Variants in TECRL observed in about 807,000 individuals in gnomAD.
TECRL encodes trans-2,3-enoyl-CoA reductase like, also known as trans-2,3-enoyl-CoA reductase-like.
TECRL carries 63 observed loss-of-function variants against 52.8 expected under a neutral mutation model. The ratio of observed to expected loss-of-function variants is 1.19; its 90% CI spans 0.97 to 1.47. TECRL has a LOEUF of 1.47. Among genes scored for constraint, TECRL ranks in the 40% most tolerant of loss-of-function variants. The probability of loss-of-function intolerance (pLI) is 0.00; values close to 1 mark genes in which losing one functional copy is unlikely to be tolerated. For missense variants in TECRL, 482 were observed against 429.6 expected (o/e 1.12, Z -1.08); for synonymous variants, 164 against 141.9 (o/e 1.16, Z -1.10).
At chr4:64,365,836 G>A (rs557745390) in intron 2 of TECRL, among the ~76,000 whole-genome samples, 1 of 151,936 alleles carries the variant, frequency 6.6e-6, no homozygotes, top group Non-Finnish European at 1.5e-5. Flanking sequence ...TGTTATTCAT[G>A]TCAAACTACC....
intron 8 of TECRL, among the ~76,000 whole-genome samples, chr4:64,291,061 T>C (rs1466604957): frequency 6.6e-6 from 1 of 152,164 alleles, no homozygotes; most frequent in Non-Finnish European, 1.5e-5. Flanking sequence ...TGTGGGCTTT[T>C]GTGGCATGAA....
intron 2 of TECRL, among the ~76,000 whole-genome samples, chr4:64,370,987 A>T (rs2109658758): frequency 6.6e-6 from 1 of 151,846 alleles, no homozygotes; most frequent in South Asian, 2.1e-4. Context: ...ATTGAACCTC[A>T]TTCAATATTT....
chr4:64,391,155 A>C (rs1723520338), intron 1 of TECRL, among the ~76,000 whole-genome samples: 1 of 151,884 alleles, frequency 6.6e-6, no homozygotes, highest in Non-Finnish European at 1.5e-5. Flanking sequence ...AGAACAATGA[A>C]AATTTTATCA....
chr4:64,385,913 C>T (rs1723150615), intron 1 of TECRL, among the ~76,000 whole-genome samples: 1 of 152,158 alleles, frequency 6.6e-6, no homozygotes, highest in Non-Finnish European at 1.5e-5. Context: ...CTTGGTTGGG[C>T]TTCTTGCTTT....
At position 64,279,617 on chromosome 4, in the gene TECRL, G is replaced by A. The variant is rs1722715569; in HGVS notation, c.*455C>T. ...ATAGTCACCTTAATTAGGATGAGAT[G>A]ATATCTCATTGTGGTTTTGATTTGC... On this transcript the variant is annotated 3_prime_UTR_variant, in exon 12 of 12. Transcript: ENST00000381210. 1 of 232,534 alleles carries A rather than the reference G, an allele frequency of 4.3e-6. No homozygotes were observed. The highest frequency in any genetic ancestry group is 2.3e-5 in the African/African-American group (1 of 42,834). The allele number at this position is 232,534 out of a possible 1,614,324, so 14.4% of individuals were successfully genotyped here. A position where few individuals can be genotyped will look rare whatever the true frequency, so the allele number is the denominator to read the frequency against.
At chr4:64,368,537 G>A (rs912467467) in intron 2 of TECRL, among the ~76,000 whole-genome samples, 5 of 152,000 alleles carry the variant, frequency 3.3e-5, no homozygotes, top group Non-Finnish European at 5.9e-5. Flanking sequence ...CTCATGATCC[G>A]CCCGCCTTGG....
chr4:64,311,900 A>G (rs1274206376), intron 5 of TECRL, among the ~76,000 whole-genome samples: 1 of 152,210 alleles, frequency 6.6e-6, no homozygotes, highest in East Asian at 1.9e-4. Context: ...ATATGAGGGC[A>G]CAGCACAGAA....
chr4:64,405,357 G>T (rs999029219), intron 1 of TECRL, among the ~76,000 whole-genome samples: 2 of 152,090 alleles, frequency 1.3e-5, no homozygotes, highest in Non-Finnish European at 2.9e-5. Flanking sequence ...AGAAGTAGAA[G>T]GGTTGATATA....
intron 4 of TECRL, 21 bp downstream of exon 4, chr4:64,322,668 A>G (rs1338006832): frequency 6.6e-7 from 1 of 1,523,684 alleles, no homozygotes; most frequent in African/African-American, 1.4e-5. Flanking sequence ...AATGTATATT[A>G]CATTTCAAAT....
intron 9 of TECRL, among the ~76,000 whole-genome samples, chr4:64,284,452 C>G (rs1722983874): frequency 1.4e-5 from 2 of 138,866 alleles, no homozygotes; most frequent in African/African-American, 5.1e-5. Flanking sequence ...CACCACTTTT[C>G]AAAAATACAG....
intron 10 of TECRL, 74 bp from the exon 11 acceptor site, chr4:64,281,160 G>A (rs1384513222): frequency 2.7e-6 from 3 of 1,130,406 alleles, no homozygotes; most frequent in Non-Finnish European, 1.3e-6. Flanking sequence ...GCTTTAACAG[G>A]TAATTTTAAG....
chr4:64,372,360 T>C (rs972435278), intron 2 of TECRL, among the ~76,000 whole-genome samples: 2 of 151,826 alleles, frequency 1.3e-5, no homozygotes, highest in African/African-American at 2.4e-5. Flanking sequence ...TAGATCTAAT[T>C]TGTAGTTTTA....
intron 9 of TECRL, among the ~76,000 whole-genome samples, chr4:64,284,588 C>T (rs545648636): frequency 6.6e-6 from 1 of 151,994 alleles, no homozygotes. Flanking sequence ...GATTAAAGGA[C>T]CCTTCCTCAC....
intron 2 of TECRL, among the ~76,000 whole-genome samples, chr4:64,334,543 A>C (rs1718907191): frequency 6.6e-6 from 1 of 152,156 alleles, no homozygotes; most frequent in Non-Finnish European, 1.5e-5. Context: ...TGAAACCAGC[A>C]CCAATCAATG....
At chr4:64,324,049 A>C (rs746144088) in intron 3 of TECRL, among the ~76,000 whole-genome samples, 2 of 152,130 alleles carry the variant, frequency 1.3e-5, no homozygotes, top group Non-Finnish European at 2.9e-5. Flanking sequence ...AAAACACACT[A>C]AGGTTTCCAG....
intron 1 of TECRL, among the ~76,000 whole-genome samples, chr4:64,403,769 A>G (rs530673721): frequency 3.3e-5 from 5 of 151,550 alleles, no homozygotes; most frequent in Non-Finnish European, 7.4e-5. Flanking sequence ...AAATAGGAAA[A>G]AGAAGACTGA....
chr4:64,319,730 G>A (rs55836731), intron 4 of TECRL, among the ~76,000 whole-genome samples: 32,066 of 151,614 alleles, frequency 0.21, 3,560 homozygotes, highest in East Asian at 0.3. Flanking sequence ...GTTAAACAAA[G>A]TCCATTACAT....
intron 2 of TECRL, among the ~76,000 whole-genome samples, chr4:64,343,150 C>T (rs1719707880): frequency 6.6e-6 from 1 of 151,960 alleles, no homozygotes; most frequent in African/African-American, 2.4e-5. Context: ...CTTAAATTAA[C>T]AAAGATAAAG....
At chr4:64,312,739 C>T (rs1021523283) in intron 5 of TECRL, among the ~76,000 whole-genome samples, 3 of 147,252 alleles carry the variant, frequency 2.0e-5, no homozygotes, top group African/African-American at 2.5e-5. Flanking sequence ...CGCACTCTAG[C>T]CTGGGCTACA....
Sources: gnomAD v4.1 joint callset for allele counts (sites outside exome capture counted in the v4.1 genomes callset) on GRCh38, gnomAD v4.1.1 for gene constraint, MANE v1.5 for transcripts, NCBI Gene and HGNC (gene_info 2026-07-23, HGNC 2026-07-21) for gene names.